The following ELP1 variants were observed in gnomAD, a reference collection of about 807,000 sequenced individuals.
ELP1 encodes elongator acetyltransferase complex subunit 1.
In ELP1, 131 loss-of-function variants were observed where a neutral mutation model predicts 183.2. That is an observed-to-expected ratio of 0.72 (90% CI 0.62 to 0.83). The LOEUF (loss-of-function observed/expected upper bound fraction) is 0.83. ELP1 is among the 40% of genes least tolerant of loss of function. The pLI is 0.00. For missense variants in ELP1, 1,550 were observed against 1,594.9 expected, an observed-to-expected ratio of 0.97 and a Z score of 0.48; for synonymous variants, 555 against 569.0, an observed-to-expected ratio of 0.98 and a Z score of 0.35.
In ELP1 at chr9:108,929,841, C is replaced by G. The variant is rs1241114854; in HGVS notation, c.231G>C (p.Leu77Phe). ...CCACACACACAGACTCCTGATCCAG[C>G]AAGTCCTGAACACCAACAATGCGGC... ...GSGRIVGVQDLLDQESVCVAT... is the reference protein window; with the variant it reads ...GSGRIVGVQDFLDQESVCVAT... Residue 77 changes from leucine to phenylalanine, a missense_variant, in exon 3 of 37, where the codon TTG becomes TTC. Coordinates refer to ENST00000374647, the MANE Select transcript of ELP1 (RefSeq NM_003640.5). The G allele has an allele frequency of 6.8e-6, 11 of 1,613,856 alleles. No individual in the cohort carries two copies. The highest frequency in any genetic ancestry group is 1.3e-5 in the African/African-American group (1 of 74,918).
At chr9:108,926,021 A>G (rs142633413) in intron 5 of ELP1, among the ~76,000 whole-genome samples, 173 of 152,322 alleles carry the variant, frequency 1.1e-3, no homozygotes, top group African/African-American at 4.1e-3. Flanking sequence ...TGTGACTTCA[A>G]GATGGCCAAA....
chr9:108,892,083 C>T (rs1828361971), intron 27 of ELP1, among the ~76,000 whole-genome samples: 1 of 152,212 alleles, frequency 6.6e-6, no homozygotes, highest in Non-Finnish European at 1.5e-5. Flanking sequence ...CATGGAGTCC[C>T]TGCCCTTAAG....
chr9:108,889,279 G>A (rs1212507371), intron 29 of ELP1, 53 bp downstream of exon 29: 2 of 1,459,012 alleles, frequency 1.4e-6, no homozygotes, highest in Non-Finnish European at 1.9e-6. Context: ...AGATACAATT[G>A]AGAAGACCTT....
rs532137930 is a variant in ELP1 at position 108,882,318 on chromosome 9, A to T, written c.3223-131T>A. 23 of 705,454 alleles carry T rather than the reference A, an allele frequency of 3.3e-5. No individual in the cohort carries two copies. In the Admixed American group the frequency reaches 3.4e-4, roughly 10 times the overall value. 43.7% of individuals were successfully genotyped at this position (705,454 alleles called of 1,614,324 possible). On this transcript the variant is annotated intron_variant, in intron 29 of 36. Transcript: ENST00000374647. Reference sequence around the variant, plus strand: ...GGGAGAACTCCTAGTTCTCAACATCATGCCTATCCTAGAGTTCATGACTCC... The same window carrying T: ...GGGAGAACTCCTAGTTCTCAACATCTTGCCTATCCTAGAGTTCATGACTCC...
At chr9:108,896,028 T>A (rs943578434) in intron 25 of ELP1, among the ~76,000 whole-genome samples, 1 of 152,114 alleles carries the variant, frequency 6.6e-6, no homozygotes, top group African/African-American at 2.4e-5. Flanking sequence ...GAGACTGAGG[T>A]AGGCGGATCA....
chr9:108,896,486 C>T lies in ELP1; in HGVS notation c.2736+10G>A, dbSNP rs1192983812. On this transcript the variant is annotated intron_variant, in intron 25 of 36. Transcript: ENST00000374647. Reference sequence around the variant, plus strand: ...GAACCAAATGGCATAAAAGTAAGAACTCCACATACCTTCTGTGACTTCTCA... The same window carrying T: ...GAACCAAATGGCATAAAAGTAAGAATTCCACATACCTTCTGTGACTTCTCA... 3 of 1,613,672 alleles carry T rather than the reference C, an allele frequency of 1.9e-6. No homozygotes were observed. The highest frequency in any genetic ancestry group is 2.5e-6 in the Non-Finnish European group (3 of 1,179,708).
intron 12 of ELP1, among the ~76,000 whole-genome samples, chr9:108,910,536 G>A (rs1373519726): frequency 6.6e-6 from 1 of 152,168 alleles, no homozygotes; most frequent in Non-Finnish European, 1.5e-5. Flanking sequence ...CAGGACAAGT[G>A]GATTAGGAGC....
At chr9:108,889,457 T>C in intron 28 of ELP1, 64 bp from the exon 29 acceptor site, 1 of 1,388,852 alleles carries the variant, frequency 7.2e-7, no homozygotes, top group South Asian at 1.2e-5. Flanking sequence ...CAAGTGCTTC[T>C]TTAATATGTC....
At chr9:108,887,422 A>T (rs1453875727) in intron 29 of ELP1, among the ~76,000 whole-genome samples, 1 of 152,152 alleles carries the variant, frequency 6.6e-6, no homozygotes, top group East Asian at 1.9e-4. Flanking sequence ...TATAGAAACC[A>T]TGTTTGTTGA....
chr9:108,916,062 A>G (rs1438939743), intron 10 of ELP1, 142 bp downstream of exon 10: 3 of 738,382 alleles, frequency 4.1e-6, no homozygotes, highest in Non-Finnish European at 7.4e-6. Flanking sequence ...TCAAAACCTA[A>G]CCACCCCCAT....
At chr9:108,891,971 G>T (rs556155114) in intron 27 of ELP1, among the ~76,000 whole-genome samples, 38 of 152,314 alleles carry the variant, frequency 2.5e-4, no homozygotes, top group African/African-American at 9.1e-4. Context: ...AGAGCAGAGA[G>T]AGTGTGGAAG....
intron 14 of ELP1, among the ~76,000 whole-genome samples, chr9:108,904,244 TA>T (rs1270112624): frequency 1.6e-5 from 2 of 122,298 alleles, no homozygotes; most frequent in South Asian, 2.7e-4. Flanking sequence ...AAAATTTCAC[TA>T]TTTTTTTTTT....
At chr9:108,882,997 T>C (rs1827989418) in intron 29 of ELP1, among the ~76,000 whole-genome samples, 1 of 152,264 alleles carries the variant, frequency 6.6e-6, no homozygotes, top group East Asian at 1.9e-4. Flanking sequence ...CCATTCTATA[T>C]GCTGTCTTTT....
chr9:108,895,480 T>C (rs1451316089), intron 25 of ELP1, among the ~76,000 whole-genome samples: 1 of 151,902 alleles, frequency 6.6e-6, no homozygotes, highest in African/African-American at 2.4e-5. Context: ...CACCAAGGCA[T>C]GTGGTGGTGA....
chr9:108,926,463 GA>G, intron 5 of ELP1, 59 bp downstream of exon 5: 2 of 1,330,458 alleles, frequency 1.5e-6, no homozygotes. Context: ...AGTGCACAAG[GA>G]AATGGTCAAA....
rs1477728054 is a variant in ELP1 at position 108,897,276 on chromosome 9, A to T, written c.2373T>A (p.Asp791Glu). Residue 791 changes from aspartate to glutamate, a missense_variant, in exon 23 of 37, where the codon GAT becomes GAA. Transcript: ENST00000374647. The part of the protein sequence containing the change: ...NLFFTELKEE[D>E]VTKTMYPAPV... ...GTGCAGGGTACATGGTCTTCGTGAC[A>T]TCTTCTTCTCTAAGAACAGGTGTGT... 1.9e-6 allele frequency: 3 copies of T among 1,614,146 alleles called. No homozygotes were observed. The highest frequency in any genetic ancestry group is 2.5e-6 in the Non-Finnish European group (3 of 1,180,028).
chr9:108,933,471 G>T (rs1472161134), intron 1 of ELP1, among the ~76,000 whole-genome samples: 1 of 152,256 alleles, frequency 6.6e-6, no homozygotes, highest in African/African-American at 2.4e-5. Context: ...GTTAGATGGA[G>T]AAGCACAGAG....
chr9:108,928,250 G>C (rs1266505504), intron 3 of ELP1, among the ~76,000 whole-genome samples: 9 of 152,154 alleles, frequency 5.9e-5, no homozygotes, highest in Admixed American at 5.9e-4. Flanking sequence ...GATATCAAGA[G>C]AATAGACCTG....
chr9:108,912,227 C>A lies in ELP1; in HGVS notation c.1189+37G>T, dbSNP rs552130937. On this transcript the variant is annotated intron_variant, in intron 11 of 36. Transcript: ENST00000374647. ...ATCTGCAGGCCCTAGGCTCAGGACC[C>A]CTTGCAGGCTCATGGACACACTTCC... The A allele has an allele frequency of 4.6e-6, 7 of 1,506,182 alleles. No individual in the cohort carries two copies. In the South Asian group the frequency reaches 7.9e-5, roughly 17 times the overall value. 93.3% of individuals were successfully genotyped at this position (1,506,182 alleles called of 1,614,324 possible). A position where few individuals can be genotyped will look rare whatever the true frequency, so the allele number is the denominator to read the frequency against.
Sources: allele counts gnomAD v4.1 joint callset (sites outside exome capture counted in the v4.1 genomes callset), GRCh38; gene constraint gnomAD v4.1.1; transcripts MANE v1.5; gene names NCBI Gene and HGNC (gene_info 2026-07-23, HGNC 2026-07-21).